BANK1: variants seen among roughly 807,000 people sequenced by gnomAD.
BANK1 encodes the protein B-cell scaffold protein with ankyrin repeats.
In BANK1, 95 loss-of-function variants were observed where a neutral mutation model predicts 94.5. That is an observed-to-expected ratio of 1.00 (90% CI 0.85 to 1.19). The LOEUF (loss-of-function observed/expected upper bound fraction) is 1.19. BANK1 is among the 50% of genes most tolerant of loss of function. BANK1 has a pLI of 0.00. For missense variants in BANK1, 987 were observed against 932.2 expected, an observed-to-expected ratio of 1.06 and a Z score of -0.77; for synonymous variants, 334 against 308.4, an observed-to-expected ratio of 1.08 and a Z score of -0.87.
intron 5 of BANK1, among the ~76,000 whole-genome samples, chr4:101,884,347 T>C (rs1728774341): frequency 6.6e-6 from 1 of 152,202 alleles, no homozygotes; most frequent in East Asian, 1.9e-4. Flanking sequence ...GTTACTGTCC[T>C]GATTCAATTT....
At chr4:101,930,692 G>A (rs1006052672) in intron 7 of BANK1, among the ~76,000 whole-genome samples, 1 of 151,478 alleles carries the variant, frequency 6.6e-6, no homozygotes, top group African/African-American at 2.4e-5. Flanking sequence ...TACAAATGAG[G>A]AAACTAAAGC....
chr4:102,007,351 T>C lies in BANK1; in HGVS notation c.1207-14163T>C, dbSNP rs556891937. Among the ~76,000 whole-genome samples, 330 of 151,040 alleles carry C rather than the reference T, an allele frequency of 2.2e-3. 2 individuals are homozygous for C. Among genetic ancestry groups the C allele is most frequent in the African/African-American group, 7.7e-3 (318 of 41,276 alleles). On this transcript the variant is annotated intron_variant, in intron 7 of 16. Coordinates refer to ENST00000322953, the MANE Select transcript of BANK1 (RefSeq NM_017935.5). ...AGTAGGCTTTGTGCTAGAGGAGTTA[T>C]ACTGATTACAAACATTTGTCAAATA...
chr4:102,057,322 C>T (rs1016247773), intron 11 of BANK1, among the ~76,000 whole-genome samples: 1 of 147,826 alleles, frequency 6.8e-6, no homozygotes, highest in African/African-American at 2.6e-5. Context: ...TTCTCTATTT[C>T]TCTCTCTCTC....
chr4:101,804,702 A>G (rs546435228), intron 1 of BANK1, among the ~76,000 whole-genome samples: 1 of 152,276 alleles, frequency 6.6e-6, no homozygotes, highest in East Asian at 1.9e-4. Flanking sequence ...TATCTTCCTT[A>G]TGATTTTCTT....
chr4:101,804,120 A>G (rs931616996), intron 1 of BANK1, among the ~76,000 whole-genome samples: 3 of 151,998 alleles, frequency 2.0e-5, no homozygotes, highest in Non-Finnish European at 4.4e-5. Context: ...CTTAAAATAC[A>G]TACAAATCTG....
chr4:101,978,447 A>G (rs1163322063), intron 7 of BANK1, among the ~76,000 whole-genome samples: 2 of 152,096 alleles, frequency 1.3e-5, no homozygotes, highest in Non-Finnish European at 2.9e-5. Context: ...GGTAGTAAGT[A>G]CTCAATAAAC....
chr4:102,001,112 GTGTGTATGGT>G (rs1726052696), intron 7 of BANK1, among the ~76,000 whole-genome samples: 1 of 152,202 alleles, frequency 6.6e-6, no homozygotes, highest in Non-Finnish European at 1.5e-5. Flanking sequence ...AGCAGCAGCA[GTGTGTATGGT>G]CACAGGCTGG....
chr4:102,006,323 T>C (rs73834552), intron 7 of BANK1, among the ~76,000 whole-genome samples: 212 of 152,094 alleles, frequency 1.4e-3, no homozygotes, highest in African/African-American at 4.3e-3. Flanking sequence ...CCCAGCAGAG[T>C]TATTAATAAA....
At chr4:101,948,669 G>A (rs1724026013) in intron 7 of BANK1, among the ~76,000 whole-genome samples, 1 of 152,082 alleles carries the variant, frequency 6.6e-6, no homozygotes, top group African/African-American at 2.4e-5. Flanking sequence ...GTAGACTAGA[G>A]TCTTAGATCC....
chr4:101,829,403 C>T (rs1726514360), intron 1 of BANK1, among the ~76,000 whole-genome samples: 1 of 151,090 alleles, frequency 6.6e-6, no homozygotes, highest in African/African-American at 2.4e-5. Flanking sequence ...TTGTGTTAGC[C>T]TTGTTCTGTT....
At chr4:101,855,302 C>G (rs1727641630) in intron 3 of BANK1, 113 bp downstream of exon 3, 4 of 1,015,212 alleles carry the variant, frequency 3.9e-6, no homozygotes, top group Non-Finnish European at 5.6e-6. Flanking sequence ...TGGTCTTTAA[C>G]TCCTGGCCTC....
chr4:101,851,704 G>C (rs4698971), intron 2 of BANK1, among the ~76,000 whole-genome samples: 52,252 of 152,026 alleles, frequency 0.34, 9,294 homozygotes, highest in African/African-American at 0.39. Flanking sequence ...GCTGGAGTTA[G>C]CCCTTCTCTT....
chr4:101,917,780 T>A (rs993757401), intron 6 of BANK1, among the ~76,000 whole-genome samples: 4 of 151,876 alleles, frequency 2.6e-5, no homozygotes, highest in African/African-American at 9.7e-5. Context: ...ATTGGTGCAT[T>A]AATGCTAGTG....
At chr4:101,946,690 G>T in intron 7 of BANK1, among the ~76,000 whole-genome samples, 1 of 151,784 alleles carries the variant, frequency 6.6e-6, no homozygotes, top group South Asian at 2.1e-4. Flanking sequence ...TAAAACATAG[G>T]GACTACTCCT....
chr4:102,018,357 C>T (rs992914659), intron 7 of BANK1, among the ~76,000 whole-genome samples: 2 of 152,158 alleles, frequency 1.3e-5, no homozygotes, highest in African/African-American at 4.8e-5. Context: ...GTAAAAATCA[C>T]TCATAACCAA....
intron 1 of BANK1, among the ~76,000 whole-genome samples, chr4:101,795,082 A>G (rs1202237582): frequency 2.0e-5 from 3 of 151,856 alleles, no homozygotes; most frequent in East Asian, 1.9e-4. Flanking sequence ...CATCTGATAC[A>G]TGCTGAGAAT....
At chr4:101,846,987 C>G (rs1320943733) in intron 2 of BANK1, among the ~76,000 whole-genome samples, 1 of 152,098 alleles carries the variant, frequency 6.6e-6, no homozygotes, top group African/African-American at 2.4e-5. Context: ...ATCCCTTTTC[C>G]TCACCCTCCC....
At chr4:101,968,022 C>T (rs1439122305) in intron 7 of BANK1, among the ~76,000 whole-genome samples, 1 of 151,894 alleles carries the variant, frequency 6.6e-6, no homozygotes. Flanking sequence ...TGAGGGAAAG[C>T]ATATTGGTCT....
chr4:101,856,229 CAGA>C (rs1197091282), intron 3 of BANK1, among the ~76,000 whole-genome samples: 6 of 152,074 alleles, frequency 3.9e-5, no homozygotes, highest in Non-Finnish European at 7.4e-5. Context: ...CATGCCTAAG[CAGA>C]AGAATTGCTG....
Sources: allele counts gnomAD v4.1 joint callset (sites outside exome capture counted in the v4.1 genomes callset), GRCh38; gene constraint gnomAD v4.1.1; transcripts MANE v1.5; gene names NCBI Gene and HGNC (gene_info 2026-07-23, HGNC 2026-07-21).